IPPK: variants seen among roughly 807,000 people sequenced by gnomAD.
IPPK encodes the protein IPK1 homolog.
Under a neutral mutation model 64.6 loss-of-function variants are expected in IPPK, and 22 were observed. That is an observed-to-expected ratio of 0.34 (90% CI 0.24 to 0.49). The LOEUF (loss-of-function observed/expected upper bound fraction) is 0.49, where lower values mean the gene tolerates loss of function less well. Among genes scored for constraint, IPPK ranks in the 20% least tolerant of loss-of-function variants. The probability of loss-of-function intolerance (pLI) is 0.99; values close to 1 mark genes in which losing one functional copy is unlikely to be tolerated. For synonymous variants in IPPK, 262 were observed against 247.2 expected, an observed-to-expected ratio of 1.06 and a Z score of -0.56; for missense variants, 532 against 630.7, an observed-to-expected ratio of 0.84 and a Z score of 1.68.
chr9:92,639,120 C>T (rs1484582463), intron 8 of IPPK, among the ~76,000 whole-genome samples: 2 of 152,354 alleles, frequency 1.3e-5, no homozygotes, highest in South Asian at 2.1e-4. Flanking sequence ...GCAATCAAAG[C>T]TCACTACAGC....
intron 5 of IPPK, among the ~76,000 whole-genome samples, chr9:92,648,825 G>A (rs1852199852): frequency 6.6e-6 from 1 of 152,210 alleles, no homozygotes; most frequent in South Asian, 2.1e-4. Flanking sequence ...AGCCACCCCC[G>A]ACATGGGAAG....
At chr9:92,622,750 TG>T (rs1851665697) in intron 11 of IPPK, among the ~76,000 whole-genome samples, 1 of 152,160 alleles carries the variant, frequency 6.6e-6, no homozygotes, top group South Asian at 2.1e-4. Context: ...ATAGCAGTTT[TG>T]TTTGTGCTTT....
intron 8 of IPPK, among the ~76,000 whole-genome samples, chr9:92,640,236 T>C (rs950350260): frequency 2.0e-5 from 3 of 152,172 alleles, no homozygotes; most frequent in African/African-American, 7.2e-5. Flanking sequence ...TGCCCTGCCC[T>C]ACATCTCATC....
intron 1 of IPPK, among the ~76,000 whole-genome samples, chr9:92,661,566 GC>G (rs1328682614): frequency 6.6e-6 from 1 of 152,118 alleles, no homozygotes; most frequent in Non-Finnish European, 1.5e-5. Context: ...CAGTGGCTTG[GC>G]CTCCCTGCTG....
intron 11 of IPPK, among the ~76,000 whole-genome samples, chr9:92,623,174 C>A (rs1851673469): frequency 6.6e-6 from 1 of 152,152 alleles, no homozygotes; most frequent in Non-Finnish European, 1.5e-5. Flanking sequence ...ATGACTCACA[C>A]CTGTAATCGC....
At chr9:92,661,412 C>T (rs906629370) in intron 1 of IPPK, among the ~76,000 whole-genome samples, 2 of 152,226 alleles carry the variant, frequency 1.3e-5, no homozygotes, top group Non-Finnish European at 2.9e-5. Context: ...CCAGCAGGCT[C>T]TGGGGGCATT....
At chr9:92,629,453 A>T (rs1851793046) in intron 11 of IPPK, among the ~76,000 whole-genome samples, 2 of 152,134 alleles carry the variant, frequency 1.3e-5, no homozygotes, top group South Asian at 4.1e-4. Context: ...TGACACTATT[A>T]AAAAGTAGGC....
At chr9:92,660,220 CA>C (rs1403024186) in intron 1 of IPPK, among the ~76,000 whole-genome samples, 1 of 152,208 alleles carries the variant, frequency 6.6e-6, no homozygotes, top group East Asian at 1.9e-4. Flanking sequence ...AATTAGGCAT[CA>C]AACACAGTAC....
intron 11 of IPPK, among the ~76,000 whole-genome samples, chr9:92,624,075 G>A (rs527435892): frequency 2.6e-5 from 4 of 152,050 alleles, no homozygotes; most frequent in East Asian, 3.9e-4. Flanking sequence ...AGTGGCTCAC[G>A]CCTGTAATCC....
chr9:92,641,809 A>G (rs1328470342), intron 7 of IPPK, among the ~76,000 whole-genome samples: 1 of 152,204 alleles, frequency 6.6e-6, no homozygotes, highest in Non-Finnish European at 1.5e-5. Flanking sequence ...GAATGGCTGG[A>G]GGACAGCAGG....
At chr9:92,653,598 T>TTCC (rs1317779216) in intron 3 of IPPK, among the ~76,000 whole-genome samples, 2 of 152,248 alleles carry the variant, frequency 1.3e-5, no homozygotes, top group Non-Finnish European at 2.9e-5. Context: ...ATGCCTGTAA[T>TTCC]TCCAGCACTT....
intron 11 of IPPK, among the ~76,000 whole-genome samples, chr9:92,623,385 G>A (rs1264030482): frequency 6.7e-6 from 1 of 150,328 alleles, no homozygotes; most frequent in Non-Finnish European, 1.5e-5. Flanking sequence ...AGTGAGCCAA[G>A]ATCGCGCCAC....
At chr9:92,656,791 T>G (rs911329632) in intron 2 of IPPK, among the ~76,000 whole-genome samples, 1 of 152,206 alleles carries the variant, frequency 6.6e-6, no homozygotes, top group African/African-American at 2.4e-5. Context: ...GGTAGCAGTC[T>G]GAGGACCGCA....
intron 11 of IPPK, among the ~76,000 whole-genome samples, chr9:92,631,699 A>C (rs1851848258): frequency 6.6e-6 from 1 of 152,344 alleles, no homozygotes; most frequent in East Asian, 1.9e-4. Context: ...GCAAAGCTAC[A>C]ATATCACAGC....
intron 12 of IPPK, chr9:92,618,640 G>A (rs915999387): frequency 2.3e-6 from 1 of 444,240 alleles, no homozygotes; most frequent in Non-Finnish European, 4.6e-6. Context: ...TTCCTTAGGG[G>A]ATAACAGGAG....
At chr9:92,639,657 G>A (rs1011317881) in intron 8 of IPPK, among the ~76,000 whole-genome samples, 5 of 152,194 alleles carry the variant, frequency 3.3e-5, no homozygotes, top group African/African-American at 1.2e-4. Flanking sequence ...TAACATGCCA[G>A]CCTTATGACA....
rs765733019 is a variant in IPPK, at chr9:92,658,724, C to G, written c.82-43G>C. The G allele has an allele frequency of 5.1e-6, 8 of 1,581,164 alleles. 2 individuals are homozygous for G. In the South Asian group the frequency reaches 8.8e-5, roughly 17 times the overall value. On this transcript the variant is annotated intron_variant, in intron 1 of 12. Coordinates refer to ENST00000287996, the MANE Select transcript of IPPK (RefSeq NM_022755.6). ...AAATCTGATTAGTATTTGCTCAAAG[C>G]CAAGGCACAAGGTGTCAGTCAGTTT... is the stretch of plus-strand genomic sequence containing the variant.
At chr9:92,652,206 T>C (rs1035192773) in intron 4 of IPPK, among the ~76,000 whole-genome samples, 1 of 151,844 alleles carries the variant, frequency 6.6e-6, no homozygotes, top group Non-Finnish European at 1.5e-5. Context: ...TCCCAGCACT[T>C]TGGGAGGCCG....
intron 2 of IPPK, among the ~76,000 whole-genome samples, chr9:92,658,029 C>T (rs1852407838): frequency 1.3e-5 from 2 of 152,208 alleles, no homozygotes; most frequent in South Asian, 2.1e-4. Context: ...AGGACCCACG[C>T]ATCAGATGGG....
Sources: gnomAD v4.1 joint callset for allele counts (sites outside exome capture counted in the v4.1 genomes callset) on GRCh38, gnomAD v4.1.1 for gene constraint, MANE v1.5 for transcripts, NCBI Gene and HGNC (gene_info 2026-07-23, HGNC 2026-07-21) for gene names.